Variants in VOPP1 observed in about 807,000 individuals in gnomAD.
VOPP1 encodes the protein VOPP1 WW domain binding protein.
VOPP1 carries 8 observed loss-of-function variants against 23.5 expected under a neutral mutation model. The ratio of observed to expected loss-of-function variants is 0.34; its 90% CI spans 0.20 to 0.61. VOPP1 has a LOEUF of 0.61. VOPP1 is among the 20% of genes least tolerant of loss of function. The pLI is 0.78. For missense variants in VOPP1, 174 were observed against 238.1 expected (o/e 0.73, Z 1.77); for synonymous variants, 83 against 97.3 (o/e 0.85, Z 0.86).
intron 1 of VOPP1, among the ~76,000 whole-genome samples, chr7:55,554,532 G>A (rs749996804): frequency 2.0e-5 from 3 of 152,230 alleles, no homozygotes; most frequent in Non-Finnish European, 4.4e-5. Flanking sequence ...AACGGGGCCT[G>A]GGAGAGGCAC....
intron 4 of VOPP1, among the ~76,000 whole-genome samples, chr7:55,454,411 A>G (rs887045325): frequency 6.6e-6 from 1 of 152,204 alleles, no homozygotes; most frequent in Non-Finnish European, 1.5e-5. Flanking sequence ...ACTATTCCAA[A>G]CAATAGAAAA....
intron 2 of VOPP1, among the ~76,000 whole-genome samples, chr7:55,519,274 C>G (rs1795681790): frequency 6.6e-6 from 1 of 152,182 alleles, no homozygotes; most frequent in South Asian, 2.1e-4. Flanking sequence ...GTGACAAAAG[C>G]AGGGCTTGTC....
chr7:55,492,131 G>A, intron 4 of VOPP1, 151 bp downstream of exon 4: 1 of 1,129,830 alleles, frequency 8.9e-7, no homozygotes, highest in Non-Finnish European at 1.2e-6. Flanking sequence ...CTGCACAAAT[G>A]CACAATGGAG....
chr7:55,509,569 G>C (rs772891554), intron 2 of VOPP1, among the ~76,000 whole-genome samples: 2 of 152,108 alleles, frequency 1.3e-5, no homozygotes, highest in Non-Finnish European at 2.9e-5. Context: ...AATTTTGTAA[G>C]GACACACATA....
chr7:55,464,196 G>C (rs147809353), intron 4 of VOPP1, among the ~76,000 whole-genome samples: 1 of 152,328 alleles, frequency 6.6e-6, no homozygotes, highest in Non-Finnish European at 1.5e-5. Flanking sequence ...GCAGGCACTA[G>C]AAGTGGAAGG....
intron 1 of VOPP1, among the ~76,000 whole-genome samples, chr7:55,538,453 C>T (rs1404662299): frequency 6.6e-6 from 1 of 152,190 alleles, no homozygotes; most frequent in African/African-American, 2.4e-5. Flanking sequence ...CAAATACCCT[C>T]TCAAAATCTA....
chr7:55,446,128 G>C (rs1341844491), intron 4 of VOPP1, among the ~76,000 whole-genome samples: 1 of 152,002 alleles, frequency 6.6e-6, no homozygotes, highest in Non-Finnish European at 1.5e-5. Flanking sequence ...AAGTAGCTGG[G>C]ACTACAGGTG....
intron 3 of VOPP1, among the ~76,000 whole-genome samples, chr7:55,494,860 G>C (rs960618519): frequency 3.9e-5 from 6 of 152,160 alleles, no homozygotes; most frequent in Non-Finnish European, 5.9e-5. Flanking sequence ...GGAGAGAGGA[G>C]TAGTAGTAAG....
Position 55,572,263 on chromosome 7 carries a change from G to A in VOPP1, c.54+8C>T. The A allele has an allele frequency of 1.3e-6, 2 of 1,524,482 alleles. No homozygotes were observed. The highest frequency in any genetic ancestry group is 8.7e-7 in the Non-Finnish European group (1 of 1,145,958). 94.4% of individuals were successfully genotyped at this position (1,524,482 alleles called of 1,614,324 possible). On this transcript the variant is annotated splice_region_variant and intron_variant, in intron 1 of 4. Transcript: ENST00000285279. ...CGCCTCCGGCAGCACCCGGTCCCCG[G>A]CCCCTACCTCCAAGAGCAGCCCGAG... is the stretch of plus-strand genomic sequence containing the variant.
intron 1 of VOPP1, among the ~76,000 whole-genome samples, chr7:55,572,027 G>C (rs1384799103): frequency 6.6e-6 from 1 of 152,138 alleles, no homozygotes; most frequent in Non-Finnish European, 1.5e-5. Flanking sequence ...GCGCTCACCC[G>C]CAGGGTGGGG....
At chr7:55,524,212 T>C (rs1796037117) in intron 1 of VOPP1, among the ~76,000 whole-genome samples, 1 of 152,268 alleles carries the variant, frequency 6.6e-6, no homozygotes, top group African/African-American at 2.4e-5. Flanking sequence ...TTACCCTTGC[T>C]CAGTTACTTG....
chr7:55,521,988 T>A lies in VOPP1; in HGVS notation c.55-858A>T, dbSNP rs879096312. On this transcript the variant is annotated intron_variant, in intron 1 of 4. Transcript: ENST00000285279. The stretch of plus-strand genomic sequence containing the variant: ...ATGATCTAGTTTATTGGCCCCCATG[T>A]GTAAATAAAACCTTCAAAACATTAT... 2.7e-5 allele frequency: 22 copies of A among 802,276 alleles called. No individual in the cohort carries two copies. In the South Asian group the frequency reaches 9.6e-4, roughly 35 times the overall value. The allele number at this position is 802,276 out of a possible 1,614,324, so 49.7% of individuals were successfully genotyped here. A position where few individuals can be genotyped will look rare whatever the true frequency, so the allele number is the denominator to read the frequency against.
intron 2 of VOPP1, among the ~76,000 whole-genome samples, chr7:55,507,901 C>A (rs1365475301): frequency 6.6e-6 from 1 of 152,128 alleles, no homozygotes; most frequent in Non-Finnish European, 1.5e-5. Flanking sequence ...GAGGCCTGAG[C>A]CCGAGACGTT....
At chr7:55,477,706 G>T (rs763580759) in intron 4 of VOPP1, among the ~76,000 whole-genome samples, 3 of 152,228 alleles carry the variant, frequency 2.0e-5, no homozygotes, top group African/African-American at 7.2e-5. Flanking sequence ...CTGGTGGGAC[G>T]GGATTGAAAT....
At chr7:55,509,847 T>G (rs751283364) in intron 2 of VOPP1, among the ~76,000 whole-genome samples, 1 of 152,226 alleles carries the variant, frequency 6.6e-6, no homozygotes, top group Non-Finnish European at 1.5e-5. Context: ...TCTGATTTAT[T>G]TGACTCCCTT....
chr7:55,488,464 T>A (rs1793308666), intron 4 of VOPP1, among the ~76,000 whole-genome samples: 1 of 152,078 alleles, frequency 6.6e-6, no homozygotes, highest in South Asian at 2.1e-4. Context: ...AACCTCAGCC[T>A]CCTGCTGACT....
chr7:55,519,916 A>G (rs553649874), intron 2 of VOPP1, among the ~76,000 whole-genome samples: 1 of 152,312 alleles, frequency 6.6e-6, no homozygotes, highest in East Asian at 1.9e-4. Context: ...TTGCTTGAGG[A>G]TAGGAGTTCG....
At chr7:55,466,940 G>A (rs1467773911), downstream of VOPP1, among the ~76,000 whole-genome samples, 1 of 152,200 alleles carries the variant, frequency 6.6e-6, no homozygotes, top group Admixed American at 6.5e-5. Flanking sequence ...GACTGGTTTT[G>A]TAGAAGACAA....
intron 2 of VOPP1, among the ~76,000 whole-genome samples, chr7:55,509,641 T>G (rs1794946657): frequency 6.6e-6 from 1 of 152,224 alleles, no homozygotes; most frequent in South Asian, 2.1e-4. Context: ...AAGTCTACAT[T>G]CCAGCTCTGG....
Sources: gnomAD v4.1 joint callset for allele counts (sites outside exome capture counted in the v4.1 genomes callset) on GRCh38, gnomAD v4.1.1 for gene constraint, MANE v1.5 for transcripts, NCBI Gene and HGNC (gene_info 2026-07-23, HGNC 2026-07-21) for gene names.